TENM2: variants seen among roughly 807,000 people sequenced by gnomAD.
TENM2 encodes teneurin transmembrane protein 2.
A neutral mutation model predicts 245.2 loss-of-function variants in TENM2; 52 were observed. That is an observed-to-expected ratio of 0.21 (90% CI 0.17 to 0.27). The LOEUF (loss-of-function observed/expected upper bound fraction) is 0.27. Ranked by LOEUF, TENM2 falls within the 10% of genes least tolerant of loss-of-function variation. The pLI, the probability that TENM2 is intolerant of heterozygous loss-of-function variation, is 1.00. For missense variants in TENM2, 3,046 were observed against 3,666.8 expected (o/e 0.83, Z 4.37); for synonymous variants, 1,363 against 1,438.9 (o/e 0.95, Z 1.19).
intron 4 of TENM2, among the ~76,000 whole-genome samples, chr5:167,975,030 T>A (rs1782332158): frequency 6.6e-6 from 1 of 152,244 alleles, no homozygotes; most frequent in African/African-American, 2.4e-5. Context: ...ACTACCAGAC[T>A]TGCCTTTAGG....
chr5:167,101,849 T>TTATATTTTTATATATATATATATATA, the TENM2 span, among the ~76,000 whole-genome samples: 6 of 69,438 alleles, frequency 8.6e-5, no homozygotes, highest in East Asian at 2.5e-3. Flanking sequence ...ATATATATAT[T>TTATATTTTTATATATATATATATATA]TATATATATA....
At chr5:167,072,194 G>T in the TENM2 span, among the ~76,000 whole-genome samples, 1 of 152,146 alleles carries the variant, frequency 6.6e-6, no homozygotes, top group African/African-American at 2.4e-5. Flanking sequence ...ACATGTGGAG[G>T]AATACATTTA....
chr5:167,155,339 A>T, the TENM2 span, among the ~76,000 whole-genome samples: 1 of 152,218 alleles, frequency 6.6e-6, no homozygotes, highest in African/African-American at 2.4e-5. Context: ...CCGCCAAAAA[A>T]TTCTATGGTC....
intron 2 of TENM2, among the ~76,000 whole-genome samples, chr5:167,405,061 C>G (rs1762557304): frequency 6.6e-6 from 1 of 152,134 alleles, no homozygotes; most frequent in African/African-American, 2.4e-5. Context: ...TGACTGGAGT[C>G]TTTCATTTAG....
At chr5:167,151,971 C>A in the TENM2 span, among the ~76,000 whole-genome samples, 1 of 152,196 alleles carries the variant, frequency 6.6e-6, no homozygotes, top group African/African-American at 2.4e-5. Flanking sequence ...GCACACACTA[C>A]GGCTTTTTCA....
At chr5:167,464,822 A>G (rs527749718) in intron 2 of TENM2, among the ~76,000 whole-genome samples, 13 of 152,316 alleles carry the variant, frequency 8.5e-5, no homozygotes, top group African/African-American at 3.1e-4. Flanking sequence ...AGTATTAGCA[A>G]GAGATTAATT....
At chr5:167,472,838 C>T (rs1767122290) in intron 2 of TENM2, among the ~76,000 whole-genome samples, 1 of 152,198 alleles carries the variant, frequency 6.6e-6, no homozygotes, top group South Asian at 2.1e-4. Context: ...TTTCATTCCA[C>T]ATGGACTCAT....
intron 4 of TENM2, among the ~76,000 whole-genome samples, chr5:167,965,738 G>A (rs1447467086): frequency 1.3e-5 from 2 of 152,082 alleles, no homozygotes; most frequent in African/African-American, 4.8e-5. Context: ...CTCTTTGTTA[G>A]GTATATGTTA....
intron 2 of TENM2, among the ~76,000 whole-genome samples, chr5:167,757,213 G>A (rs939643411): frequency 6.6e-6 from 1 of 151,614 alleles, no homozygotes; most frequent in African/African-American, 2.4e-5. Context: ...GCTACATTAG[G>A]TATTTCTCCT....
chr5:167,967,751 A>C, intron 4 of TENM2, among the ~76,000 whole-genome samples: 1 of 152,206 alleles, frequency 6.6e-6, no homozygotes, highest in East Asian at 1.9e-4. Context: ...TAAATGTCGA[A>C]GACTCTGGGG....
At chr5:168,016,573 T>A (rs1785673676) in intron 5 of TENM2, among the ~76,000 whole-genome samples, 1 of 152,162 alleles carries the variant, frequency 6.6e-6, no homozygotes, top group African/African-American at 2.4e-5. Flanking sequence ...CCAACACCCA[T>A]GTTAACGTAG....
chr5:167,449,664 G>T (rs927500557), intron 2 of TENM2, among the ~76,000 whole-genome samples: 2 of 151,970 alleles, frequency 1.3e-5, no homozygotes, highest in African/African-American at 4.8e-5. Flanking sequence ...ATAATGAAAA[G>T]AAAAGAAATG....
chr5:167,738,407 T>C (rs1203455071), intron 2 of TENM2, among the ~76,000 whole-genome samples: 1 of 152,222 alleles, frequency 6.6e-6, no homozygotes, highest in Non-Finnish European at 1.5e-5. Flanking sequence ...TTAGAAGATT[T>C]ATTGTTAAGT....
chr5:167,572,247 G>T (rs552052199), intron 2 of TENM2, among the ~76,000 whole-genome samples: 1 of 152,202 alleles, frequency 6.6e-6, no homozygotes, highest in African/African-American at 2.4e-5. Flanking sequence ...TGGCCAGTGT[G>T]GGGGAAGAGA....
intron 2 of TENM2, among the ~76,000 whole-genome samples, chr5:167,741,524 C>G (rs767895684): frequency 2.6e-5 from 4 of 152,172 alleles, no homozygotes; most frequent in Non-Finnish European, 5.9e-5. Flanking sequence ...GCCTTGGCTT[C>G]ACACACAGTC....
intron 2 of TENM2, among the ~76,000 whole-genome samples, chr5:167,392,717 CCTGA>C (rs1332809867): frequency 6.6e-6 from 1 of 152,086 alleles, no homozygotes; most frequent in African/African-American, 2.4e-5. Flanking sequence ...TCTGGAGAAG[CCTGA>C]CTAATATGTT....
intron 23 of TENM2, among the ~76,000 whole-genome samples, chr5:168,225,417 C>T (rs763219820): frequency 1.1e-3 from 163 of 152,132 alleles, no homozygotes; most frequent in Non-Finnish European, 1.8e-3. Context: ...CATGGTGAAA[C>T]TGCTATTTGG....
At chr5:167,389,674 T>C (rs1761645636) in intron 2 of TENM2, among the ~76,000 whole-genome samples, 1 of 152,164 alleles carries the variant, frequency 6.6e-6, no homozygotes, top group Non-Finnish European at 1.5e-5. Context: ...GATGAATTCC[T>C]AGAAGACTTA....
At position 168,215,283 on chromosome 5, in the gene TENM2, T is replaced by G. The variant is rs775555548; in HGVS notation, c.4078+11T>G. On this transcript the variant is annotated intron_variant, in intron 21 of 28. Transcript: ENST00000518659. The stretch of plus-strand genomic sequence containing the variant: ...TGATGAGCCCGAGAGGTAAAGGACA[T>G]CAAGGAAGAGTCTCCCGCCCCAGAT... 29 of 1,609,148 alleles carry G rather than the reference T, an allele frequency of 1.8e-5. No homozygotes were observed. The highest frequency in any genetic ancestry group is 2.4e-5 in the Non-Finnish European group (28 of 1,175,714).
Sources: allele counts gnomAD v4.1 joint callset (sites outside exome capture counted in the v4.1 genomes callset), GRCh38; gene constraint gnomAD v4.1.1; transcripts MANE v1.5; gene names NCBI Gene and HGNC (gene_info 2026-07-23, HGNC 2026-07-21).